The following LARGE1 variants were observed in gnomAD, a reference collection of about 807,000 sequenced individuals.
LARGE1 encodes LARGE xylosyl- and glucuronyltransferase 1.
Under a neutral mutation model 87.6 loss-of-function variants are expected in LARGE1, and 43 were observed. The ratio of observed to expected loss-of-function variants is 0.49; its 90% CI spans 0.38 to 0.63. The LOEUF (loss-of-function observed/expected upper bound fraction) is 0.63. LARGE1 is among the 30% of genes least tolerant of loss of function. The probability of loss-of-function intolerance (pLI) is 0.00; values close to 1 mark genes in which losing one functional copy is unlikely to be tolerated. For synonymous variants in LARGE1, 434 were observed against 394.6 expected (o/e 1.10, Z -1.18); for missense variants, 802 against 1,000.2 (o/e 0.80, Z 2.67).
At chr22:33,244,895 T>G (rs535578256) in intron 11 of LARGE1, among the ~76,000 whole-genome samples, 1 of 152,286 alleles carries the variant, frequency 6.6e-6, no homozygotes, top group African/African-American at 2.4e-5. Context: ...CAACAGCCCC[T>G]GCCCTCAAAA....
At chr22:33,807,025 T>C (rs1051575075) in intron 1 of LARGE1, among the ~76,000 whole-genome samples, 5 of 152,036 alleles carry the variant, frequency 3.3e-5, no homozygotes, top group Non-Finnish European at 7.4e-5. Context: ...AAAAATCCTC[T>C]TCCTTGCAAT....
downstream of LARGE1, among the ~76,000 whole-genome samples, chr22:33,271,370 T>G (rs914687013): frequency 6.6e-6 from 1 of 152,214 alleles, no homozygotes; most frequent in African/African-American, 2.4e-5. Flanking sequence ...TTACACAGAA[T>G]GCATTCAGGT....
intron 1 of LARGE1, among the ~76,000 whole-genome samples, chr22:33,789,995 C>T (rs565476661): frequency 1.6e-4 from 25 of 152,052 alleles, no homozygotes; most frequent in East Asian, 5.8e-4. Flanking sequence ...TGAGAGAACA[C>T]GAGATTTGGG....
At chr22:33,462,124 T>G (rs569158157) in intron 6 of LARGE1, among the ~76,000 whole-genome samples, 1 of 152,304 alleles carries the variant, frequency 6.6e-6, no homozygotes, top group South Asian at 2.1e-4. Context: ...AAGAAAACTG[T>G]TAAAAATGAC....
rs960621798 is a variant in LARGE1, at chr22:33,764,720, G to A, written c.-82-3162C>T. On this transcript the variant is annotated intron_variant, in intron 1 of 14. Coordinates refer to ENST00000397394, the MANE Select transcript of LARGE1 (RefSeq NM_133642.5). ...TTACAGTGAGCAAGATTGTGCCACC[G>A]CACTCCAGCCTGGGCAACACAGCAA... Among the ~76,000 whole-genome samples the A allele has an allele frequency of 3.9e-5, 6 of 152,124 alleles. No individual in the cohort carries two copies. In the South Asian group the frequency reaches 1.2e-3, roughly 31 times the overall value.
At chr22:33,522,762 T>C (rs1351092161) in intron 6 of LARGE1, among the ~76,000 whole-genome samples, 1 of 149,692 alleles carries the variant, frequency 6.7e-6, no homozygotes, top group Non-Finnish European at 1.5e-5. Context: ...ACCCAAGAGG[T>C]GGAGGTTGCA....
chr22:33,279,833 A>G (rs1930083280), intron 13 of LARGE1, among the ~76,000 whole-genome samples: 1 of 152,200 alleles, frequency 6.6e-6, no homozygotes, highest in African/African-American at 2.4e-5. Context: ...CTTCAACAGA[A>G]CTGGCACAGC....
chr22:33,472,762 A>G (rs1054728978), intron 6 of LARGE1, among the ~76,000 whole-genome samples: 1 of 152,222 alleles, frequency 6.6e-6, no homozygotes, highest in Non-Finnish European at 1.5e-5. Context: ...TTTTCTAGCA[A>G]AGCATCTACC....
intron 9 of LARGE1, among the ~76,000 whole-genome samples, chr22:33,377,260 A>G (rs924586609): frequency 6.6e-6 from 1 of 152,258 alleles, no homozygotes; most frequent in Admixed American, 6.5e-5. Flanking sequence ...CACAAATGCC[A>G]TCGTAACTTT....
At chr22:33,339,089 G>A (rs1336611437) in intron 9 of LARGE1, among the ~76,000 whole-genome samples, 3 of 151,480 alleles carry the variant, frequency 2.0e-5, no homozygotes, top group Middle Eastern at 3.4e-3. Context: ...TGGAGGTTGC[G>A]GTGGGCCGAG....
At chr22:33,443,164 T>A (rs1439850375) in intron 6 of LARGE1, among the ~76,000 whole-genome samples, 3 of 152,158 alleles carry the variant, frequency 2.0e-5, no homozygotes, top group Non-Finnish European at 4.4e-5. Flanking sequence ...TATTTCTACC[T>A]TTCAGAAGGG....
chr22:33,849,964 G>A (rs181550087), intron 1 of LARGE1, among the ~76,000 whole-genome samples: 153 of 152,210 alleles, frequency 1.0e-3, no homozygotes, highest in African/African-American at 3.5e-3. Flanking sequence ...TTCCATACGA[G>A]GAAATACAAA....
chr22:33,463,714 C>A (rs372742973), intron 6 of LARGE1, among the ~76,000 whole-genome samples: 21 of 152,076 alleles, frequency 1.4e-4, no homozygotes, highest in African/African-American at 4.8e-4. Context: ...ACTCTGTCAC[C>A]CAGGCTGGAG....
chr22:33,490,007 C>T (rs977781773), intron 6 of LARGE1, among the ~76,000 whole-genome samples: 10 of 152,198 alleles, frequency 6.6e-5, no homozygotes, highest in Admixed American at 1.3e-4. Flanking sequence ...ACGGTTTCCC[C>T]GCCTTGTATC....
chr22:33,070,264 A>G, the LARGE1 span, among the ~76,000 whole-genome samples: 5 of 152,224 alleles, frequency 3.3e-5, no homozygotes, highest in South Asian at 2.1e-4. Flanking sequence ...GGTCTAGTAC[A>G]TGTTCAGTAA....
chr22:33,524,782 CA>C (rs1201196036), intron 6 of LARGE1, among the ~76,000 whole-genome samples: 2 of 146,930 alleles, frequency 1.4e-5, no homozygotes, highest in South Asian at 2.2e-4. Context: ...CCAAACCAAA[CA>C]AAAAAAACTA....
At chr22:33,640,987 A>C (rs2149136076) in intron 3 of LARGE1, among the ~76,000 whole-genome samples, 1 of 152,344 alleles carries the variant, frequency 6.6e-6, no homozygotes, top group African/African-American at 2.4e-5. Flanking sequence ...CTGTGGGCAC[A>C]GCTTCAGCGG....
chr22:33,181,157 T>C (rs1923138836), intron 11 of LARGE1, among the ~76,000 whole-genome samples: 1 of 152,186 alleles, frequency 6.6e-6, no homozygotes, highest in Non-Finnish European at 1.5e-5. Context: ...AGTTTTTCTT[T>C]ACAGTAGAAT....
chr22:33,201,745 T>C (rs765007868), intron 11 of LARGE1, among the ~76,000 whole-genome samples: 6 of 152,136 alleles, frequency 3.9e-5, no homozygotes, highest in African/African-American at 7.2e-5. Context: ...TGTTGGGTCT[T>C]GTAGGTCATC....
Sources: gnomAD v4.1 joint callset for allele counts (sites outside exome capture counted in the v4.1 genomes callset) on GRCh38, gnomAD v4.1.1 for gene constraint, MANE v1.5 for transcripts, NCBI Gene and HGNC (gene_info 2026-07-23, HGNC 2026-07-21) for gene names.